SHANK2: variants seen among roughly 807,000 people sequenced by gnomAD.
SHANK2 encodes SH3 and multiple ankyrin repeat domains 2, also known as SH3 and multiple ankyrin repeat domains protein 2.
SHANK2 carries 43 observed loss-of-function variants against 133.7 expected under a neutral mutation model. The ratio of observed to expected loss-of-function variants is 0.32; its 90% confidence interval spans 0.25 to 0.41. The LOEUF (loss-of-function observed/expected upper bound fraction) is 0.41. SHANK2 is among the 10% of genes least tolerant of loss of function. The probability of loss-of-function intolerance (pLI) is 1.00; values close to 1 mark genes in which losing one functional copy is unlikely to be tolerated. For missense variants in SHANK2, 1,994 were observed against 2,235.8 expected, an observed-to-expected ratio of 0.89 and a Z score of 2.18; for synonymous variants, 1,017 against 952.8, an observed-to-expected ratio of 1.07 and a Z score of -1.24.
chr11:70,857,046 C>T (rs1244396504), intron 11 of SHANK2, among the ~76,000 whole-genome samples: 11 of 152,342 alleles, frequency 7.2e-5, no homozygotes, highest in African/African-American at 2.2e-4. Context: ...AACAGCCTGC[C>T]TCTGCGTGCA....
intron 15 of SHANK2, among the ~76,000 whole-genome samples, chr11:70,697,305 T>C (rs559914709): frequency 3.3e-5 from 5 of 152,080 alleles, no homozygotes; most frequent in South Asian, 2.1e-4. Flanking sequence ...TAAGAAAAAA[T>C]TGGGGGCGGG....
At chr11:71,232,546 C>G (rs1954760775) in intron 1 of SHANK2, among the ~76,000 whole-genome samples, 1 of 151,876 alleles carries the variant, frequency 6.6e-6, no homozygotes, top group Non-Finnish European at 1.5e-5. Flanking sequence ...TCTTTCCCCC[C>G]TCCTCTCCTC....
chr11:70,876,801 G>C (rs1949573119), intron 11 of SHANK2, among the ~76,000 whole-genome samples: 1 of 152,140 alleles, frequency 6.6e-6, no homozygotes, highest in Non-Finnish European at 1.5e-5. Context: ...AATGCTCTGA[G>C]CAACGGTGGG....
At chr11:71,230,272 C>T (rs1398903447) in intron 1 of SHANK2, among the ~76,000 whole-genome samples, 1 of 151,854 alleles carries the variant, frequency 6.6e-6, no homozygotes, top group African/African-American at 2.4e-5. Flanking sequence ...CCAACCTGGG[C>T]AACAGAGCAA....
chr11:70,512,009 C>A (rs1413972623), intron 17 of SHANK2, among the ~76,000 whole-genome samples: 2 of 152,228 alleles, frequency 1.3e-5, no homozygotes, highest in African/African-American at 4.8e-5. Flanking sequence ...AATTTTATAT[C>A]TATCACTCAA....
chr11:70,756,013 T>G (rs1416633996), intron 14 of SHANK2, among the ~76,000 whole-genome samples: 3 of 152,120 alleles, frequency 2.0e-5, no homozygotes, highest in Non-Finnish European at 4.4e-5. Flanking sequence ...CCCACTGACG[T>G]CCTGGGGCCA....
chr11:70,857,819 G>A (rs1480988552), intron 11 of SHANK2, among the ~76,000 whole-genome samples: 1 of 152,192 alleles, frequency 6.6e-6, no homozygotes, highest in African/African-American at 2.4e-5. Flanking sequence ...GGTAACAGCA[G>A]ATCACAGCGA....
At chr11:70,534,138 A>C (rs1554973716) in intron 17 of SHANK2, among the ~76,000 whole-genome samples, 3 of 152,304 alleles carry the variant, frequency 2.0e-5, no homozygotes, top group Admixed American at 1.3e-4. Flanking sequence ...GGACATACCC[A>C]AGACTGGGTA....
rs560978044 is a variant in SHANK2 at position 71,140,824 on chromosome 11, C to T, written c.207+6296G>A. On this transcript the variant is annotated intron_variant, in intron 3 of 25. Coordinates refer to ENST00000601538, the MANE Select transcript of SHANK2 (RefSeq NM_012309.5). ...TGACTCATGCCAGGACGACTGGGGCCGGGGCTGCTTCCCACGCAGCGCTGC... is the reference window on the plus strand; with the variant it reads ...TGACTCATGCCAGGACGACTGGGGCTGGGGCTGCTTCCCACGCAGCGCTGC... Among the ~76,000 whole-genome samples the T allele has an allele frequency of 7.2e-5, 11 of 152,342 alleles. No individual in the cohort carries two copies. The East Asian group carries it at 1.7e-3, about 24-fold the overall frequency.
chr11:70,552,550 C>G (rs972133298), intron 17 of SHANK2, among the ~76,000 whole-genome samples: 1 of 152,220 alleles, frequency 6.6e-6, no homozygotes, highest in African/African-American at 2.4e-5. Flanking sequence ...TCCAGGCATT[C>G]GTCTATGAAG....
In SHANK2 at chr11:71,118,883, C is replaced by T. The variant is rs1555100907; in HGVS notation, c.357G>A (p.Glu119=). The part of the protein sequence containing the change: ...NGRDGKFLDE[E]RLLREYPQPV... ...GCTGTGGGTACTCGCGCAGGAGCCG[C>T]TCCTCATCCAGGAACTTGCCGTCAC... Residue 119 remains glutamate (E), a synonymous_variant, in exon 4 of 26, where the codon GAG becomes GAA. Transcript: ENST00000601538. 1.9e-6 allele frequency: 3 copies of T among 1,551,792 alleles called. No individual in the cohort carries two copies. Among genetic ancestry groups the T allele is most frequent in the South Asian group, 2.4e-5 (2 of 84,060 alleles).
intron 11 of SHANK2, among the ~76,000 whole-genome samples, chr11:70,867,280 C>T (rs895284142): frequency 3.3e-5 from 5 of 152,172 alleles, no homozygotes; most frequent in Non-Finnish European, 5.9e-5. Context: ...CGCTCTTGTC[C>T]GAGTCCTCAG....
intron 14 of SHANK2, among the ~76,000 whole-genome samples, chr11:70,711,862 G>A (rs576395237): frequency 6.6e-6 from 1 of 152,344 alleles, no homozygotes; most frequent in East Asian, 1.9e-4. Flanking sequence ...CAGGGGAGGG[G>A]AAGAGAAAAT....
chr11:70,517,209 G>A (rs1258551813), intron 17 of SHANK2, among the ~76,000 whole-genome samples: 8 of 152,182 alleles, frequency 5.3e-5, no homozygotes, highest in South Asian at 2.1e-4. Flanking sequence ...CTCAAACACC[G>A]ACAACAGCAA....
intron 11 of SHANK2, among the ~76,000 whole-genome samples, chr11:70,823,838 C>A (rs147052386): frequency 6.8e-6 from 1 of 147,904 alleles, no homozygotes; most frequent in East Asian, 2.0e-4. Flanking sequence ...ACAGAGGTGG[C>A]GTTGACAGAG....
rs193165154 is a variant in SHANK2 at position 70,874,287 on chromosome 11, C to T, written c.1174+22214G>A. ...CTAATCCAATCTAATCTAATCTAATCTATCTAATCTATCTAATCTATTTAT... is the reference window on the plus strand; with the variant it reads ...CTAATCCAATCTAATCTAATCTAATTTATCTAATCTATCTAATCTATTTAT... On this transcript the variant is annotated intron_variant, in intron 11 of 25. Coordinates refer to ENST00000601538, the MANE Select transcript of SHANK2 (RefSeq NM_012309.5). Among the ~76,000 whole-genome samples the T allele has an allele frequency of 8.6e-5, 13 of 151,890 alleles. No individual in the cohort carries two copies. In the East Asian group the frequency reaches 2.5e-3, roughly 29 times the overall value.
At chr11:71,247,781 T>G (rs1954982073) in intron 1 of SHANK2, among the ~76,000 whole-genome samples, 1 of 152,198 alleles carries the variant, frequency 6.6e-6, no homozygotes, top group Non-Finnish European at 1.5e-5. Flanking sequence ...TGGGAGTTTG[T>G]GGCCTAATTC....
intron 11 of SHANK2, among the ~76,000 whole-genome samples, chr11:70,854,526 T>G (rs1376478525): frequency 1.3e-5 from 2 of 152,128 alleles, no homozygotes; most frequent in Non-Finnish European, 2.9e-5. Context: ...ACTGAGCGCA[T>G]GCATGGCTGG....
Position 70,500,601 on chromosome 11 carries a change from GA to G in SHANK2, c.2288-12del, listed in dbSNP as rs781893908. The G allele has an allele frequency of 7.4e-5, 119 of 1,600,540 alleles. No homozygotes were observed. The highest frequency in any genetic ancestry group is 1.0e-4 in the Non-Finnish European group (117 of 1,173,808). On this transcript the variant is annotated splice_polypyrimidine_tract_variant and intron_variant, in intron 20 of 25. Coordinates refer to ENST00000601538, the MANE Select transcript of SHANK2 (RefSeq NM_012309.5). The surrounding 1 kb of genome is among the most constrained non-coding windows in gnomAD (Gnocchi z 4.5). ...TCTTCCGGACCGAGGCTTGCAAACA[GA>G]AAGGGGACCGCCATGAGCCACCAGG...
Sources: allele counts gnomAD v4.1 joint callset (sites outside exome capture counted in the v4.1 genomes callset), GRCh38; gene constraint gnomAD v4.1.1; non-coding constraint Gnocchi (gnomAD v3.1); transcripts MANE v1.5; gene names NCBI Gene and HGNC (gene_info 2026-07-23, HGNC 2026-07-21).